CAP2: variants seen among roughly 807,000 people sequenced by gnomAD.
CAP2 encodes the protein adenylyl cyclase-associated protein 2.
Under a neutral mutation model 57.7 loss-of-function variants are expected in CAP2, and 24 were observed. The ratio of observed to expected loss-of-function variants is 0.42; its 90% CI spans 0.30 to 0.58. The LOEUF is 0.58. Ranked by LOEUF, CAP2 falls within the 20% of genes least tolerant of loss-of-function variation. The probability of loss-of-function intolerance (pLI) is 0.22; values close to 1 mark genes in which losing one functional copy is unlikely to be tolerated. For synonymous variants in CAP2, 194 were observed against 207.2 expected, an observed-to-expected ratio of 0.94 and a Z score of 0.55; for missense variants, 501 against 590.3, an observed-to-expected ratio of 0.85 and a Z score of 1.57.
At chr6:17,531,087 A>G (rs1459920174) in intron 7 of CAP2, 8 of 763,284 alleles carry the variant, frequency 1.0e-5, no homozygotes, top group Non-Finnish European at 1.9e-5. Flanking sequence ...CTCCCTGCAG[A>G]TGATGCCATA....
intron 3 of CAP2, among the ~76,000 whole-genome samples, chr6:17,433,242 A>G (rs1483280680): frequency 1.3e-5 from 2 of 152,168 alleles, no homozygotes; most frequent in Non-Finnish European, 2.9e-5. Context: ...AGAAGGAACC[A>G]TGTCAGAAAA....
rs1343623502 is a variant in CAP2 at position 17,539,285 on chromosome 6, C to T, written c.653C>T (p.Thr218Ile). 6.2e-7 allele frequency: 1 copy of T among 1,613,238 alleles called. No individual in the cohort carries two copies. The highest frequency in any genetic ancestry group is 8.5e-7 in the Non-Finnish European group (1 of 1,179,520). ...TWSKTGPVAS[T>I]VSAFSVLSSG... is the part of the protein sequence containing the mutation. ...TCTTCTCAGGGTCCTGTAGCATCCA[C>T]AGTATCAGCGTTTTCTGTCCTCTCC... is the stretch of plus-strand genomic sequence containing the variant. Residue 218 changes from threonine to isoleucine, a missense_variant, in exon 8 of 13, where the codon ACA becomes ATA. Physicochemically the swap from Thr to Ile is moderately conservative, Grantham distance 89 (BLOSUM62 -1). Coordinates refer to ENST00000229922, the MANE Select transcript of CAP2 (RefSeq NM_006366.3).
intron 1 of CAP2, among the ~76,000 whole-genome samples, chr6:17,419,946 A>T (rs1341402412): frequency 6.6e-6 from 1 of 152,170 alleles, no homozygotes; most frequent in Non-Finnish European, 1.5e-5. Flanking sequence ...ATCTCGGCTC[A>T]CTGCAACCTC....
intron 7 of CAP2, among the ~76,000 whole-genome samples, chr6:17,525,031 G>A (rs1278027915): frequency 6.6e-6 from 1 of 151,630 alleles, no homozygotes; most frequent in African/African-American, 2.4e-5. Flanking sequence ...CGAGTAGCTG[G>A]GACTACAGGT....
intron 3 of CAP2, among the ~76,000 whole-genome samples, chr6:17,431,111 T>C (rs1041598885): frequency 1.3e-5 from 2 of 152,084 alleles, no homozygotes. Flanking sequence ...TGAGAACACG[T>C]GGTCACAAAG....
intron 3 of CAP2, among the ~76,000 whole-genome samples, chr6:17,461,218 C>CTTTTTTTTTTT (rs35423332): frequency 2.0e-5 from 3 of 147,970 alleles, no homozygotes; most frequent in Non-Finnish European, 1.5e-5. Flanking sequence ...TCTTTGAAAC[C>CTTTTTTTTTTT]TTTTTTTTTT....
chr6:17,478,915 A>G (rs1201101690), intron 4 of CAP2, among the ~76,000 whole-genome samples: 2 of 152,184 alleles, frequency 1.3e-5, no homozygotes, highest in Non-Finnish European at 2.9e-5. Context: ...TCTCTTGGGT[A>G]ATAACACTAT....
intron 3 of CAP2, among the ~76,000 whole-genome samples, chr6:17,462,509 A>C (rs1760755052): frequency 6.6e-6 from 1 of 151,916 alleles, no homozygotes. Context: ...CATTTTCACC[A>C]CCCCCAAAAG....
intron 6 of CAP2, among the ~76,000 whole-genome samples, chr6:17,508,246 T>G (rs1351554313): frequency 1.3e-5 from 2 of 152,010 alleles, no homozygotes; most frequent in East Asian, 3.9e-4. Flanking sequence ...CCATTCAGAG[T>G]GCTGCTGAAA....
intron 4 of CAP2, among the ~76,000 whole-genome samples, chr6:17,471,754 C>A (rs1359076260): frequency 6.6e-6 from 1 of 151,734 alleles, no homozygotes; most frequent in East Asian, 1.9e-4. Context: ...TGGCATGAAC[C>A]CGGGAGGTGG....
At chr6:17,523,399 A>AAG (rs1348545097) in intron 7 of CAP2, among the ~76,000 whole-genome samples, 2 of 152,150 alleles carry the variant, frequency 1.3e-5, no homozygotes, top group Non-Finnish European at 2.9e-5. Flanking sequence ...GAGGTATAGG[A>AAG]GAGACATCCA....
chr6:17,455,757 G>A (rs914168426), intron 3 of CAP2, among the ~76,000 whole-genome samples: 17 of 152,246 alleles, frequency 1.1e-4, no homozygotes, highest in Admixed American at 9.8e-4. Flanking sequence ...GAATGGTCTT[G>A]ATCTCCTGAC....
At chr6:17,537,876 G>A (rs1026714006) in intron 7 of CAP2, among the ~76,000 whole-genome samples, 34 of 152,198 alleles carry the variant, frequency 2.2e-4, no homozygotes, top group African/African-American at 7.9e-4. Flanking sequence ...AGACCAGCCT[G>A]ACCAACATGG....
At chr6:17,461,671 G>C (rs1384966120) in intron 3 of CAP2, among the ~76,000 whole-genome samples, 1 of 151,776 alleles carries the variant, frequency 6.6e-6, no homozygotes, top group Non-Finnish European at 1.5e-5. Context: ...ATTTTTTCTT[G>C]GTACACTTCT....
rs112805658 is a variant in CAP2, at chr6:17,519,528, T to C, written c.636+5574T>C. ...AAACTAACTTGCTGTTTTCAGTTAG[T>C]TTCATCCTTGGGACTGGACCTCTTT... On this transcript the variant is annotated intron_variant, in intron 7 of 12. Transcript: ENST00000229922. Among the ~76,000 whole-genome samples the C allele has an allele frequency of 9.1e-4, 138 of 152,284 alleles. 1 individual carries two copies. The highest frequency in any genetic ancestry group is 2.8e-3 in the African/African-American group (117 of 41,550).
chr6:17,498,497 G>A (rs1483585567), intron 4 of CAP2, among the ~76,000 whole-genome samples: 1 of 152,100 alleles, frequency 6.6e-6, no homozygotes, highest in Non-Finnish European at 1.5e-5. Context: ...TAGAGCAGTA[G>A]AACAATCTCA....
At chr6:17,491,354 T>G (rs1420467775) in intron 4 of CAP2, among the ~76,000 whole-genome samples, 2 of 152,242 alleles carry the variant, frequency 1.3e-5, no homozygotes, top group Non-Finnish European at 1.5e-5. Flanking sequence ...ATGTTCTCAG[T>G]TCTTTCATCA....
chr6:17,479,651 G>A (rs1342114067), intron 4 of CAP2, among the ~76,000 whole-genome samples: 19 of 131,368 alleles, frequency 1.4e-4, no homozygotes, highest in Middle Eastern at 5.0e-3. Flanking sequence ...TCACTTTGTC[G>A]CCCAGGCTAG....
At chr6:17,408,173 T>C (rs1759036200) in intron 1 of CAP2, among the ~76,000 whole-genome samples, 1 of 152,156 alleles carries the variant, frequency 6.6e-6, no homozygotes, top group South Asian at 2.1e-4. Context: ...TGGCTGACAG[T>C]TCTGCAGGCT....
Sources: gnomAD v4.1 joint callset for allele counts (sites outside exome capture counted in the v4.1 genomes callset) on GRCh38, gnomAD v4.1.1 for gene constraint, MANE v1.5 for transcripts, NCBI Gene and HGNC (gene_info 2026-07-23, HGNC 2026-07-21) for gene names.